The following UNC13C variants were observed in gnomAD, a reference collection of about 807,000 sequenced individuals.
UNC13C encodes the protein protein unc-13 homolog C.
UNC13C carries 174 observed loss-of-function variants against 245.4 expected under a neutral mutation model. The observed-to-expected ratio is 0.71, with a 90% CI of 0.63 to 0.80. UNC13C has a LOEUF of 0.80. Ranked by LOEUF, UNC13C falls within the 30% of genes least tolerant of loss-of-function variation. UNC13C has a pLI of 0.00. For synonymous variants in UNC13C, 992 were observed against 895.1 expected (o/e 1.11, Z -1.93); for missense variants, 2,829 against 2,602.9 (o/e 1.09, Z -1.89).
chr15:54,201,386 C>G lies in UNC13C; in HGVS notation c.3072-33644C>G, dbSNP rs932432276. ...AAAAAGAAAACTACAGACCAATACTCCTGATGAATATAGATGCAAAAATCG... is the reference window on the plus strand; with the variant it reads ...AAAAAGAAAACTACAGACCAATACTGCTGATGAATATAGATGCAAAAATCG... On this transcript the variant is annotated intron_variant, in intron 4 of 32. Coordinates refer to ENST00000260323, the MANE Select transcript of UNC13C (RefSeq NM_001080534.3). Among the ~76,000 whole-genome samples, 5 of 151,864 alleles carry G rather than the reference C, an allele frequency of 3.3e-5. No homozygotes were observed. In the East Asian group the frequency reaches 5.8e-4, roughly 18 times the overall value.
At chr15:54,525,451 G>T in intron 24 of UNC13C, 98 bp from the exon 25 acceptor site, 18 of 631,930 alleles carry the variant, frequency 2.8e-5, no homozygotes, top group Non-Finnish European at 3.8e-5. Context: ...CTTACATGTT[G>T]TTTGAAGTTA....
At chr15:53,891,797 G>T in the UNC13C span, among the ~76,000 whole-genome samples, 1 of 152,140 alleles carries the variant, frequency 6.6e-6, no homozygotes, top group East Asian at 1.9e-4. Context: ...ACACCGATGG[G>T]TCTTGACTGT....
chr15:54,029,463 T>C (rs897283564), intron 2 of UNC13C, among the ~76,000 whole-genome samples: 18 of 152,250 alleles, frequency 1.2e-4, no homozygotes, highest in Non-Finnish European at 2.1e-4. Context: ...AGAGGCATTG[T>C]AGCTGATACT....
chr15:54,293,220 G>A (rs377516359), intron 10 of UNC13C, among the ~76,000 whole-genome samples: 99 of 151,960 alleles, frequency 6.5e-4, no homozygotes, highest in Middle Eastern at 6.8e-3. Context: ...TTGGTTAACA[G>A]GCAAAGAAGC....
chr15:54,592,616 C>T lies in UNC13C; in HGVS notation c.6106+24669C>T, dbSNP rs144469849. On this transcript the variant is annotated intron_variant, in intron 30 of 32. Coordinates refer to ENST00000260323, the MANE Select transcript of UNC13C (RefSeq NM_001080534.3). ...TTTTGTCGGATATAAGAATAGCTAC[C>T]CCTGCTTGCTTTTGGTGTCTTTTTG... Among the ~76,000 whole-genome samples, 892 of 152,182 alleles carry T rather than the reference C, an allele frequency of 5.9e-3. 4 individuals are homozygous for T. The highest frequency in any genetic ancestry group is 6.0e-3 in the Non-Finnish European group (409 of 67,986).
chr15:54,625,745 C>T (rs1224693158), intron 32 of UNC13C, among the ~76,000 whole-genome samples: 1 of 152,084 alleles, frequency 6.6e-6, no homozygotes, highest in African/African-American at 2.4e-5. Flanking sequence ...CAAAAGGGTC[C>T]TAATAGATCA....
At chr15:54,355,177 C>G (rs1236320405) in intron 17 of UNC13C, among the ~76,000 whole-genome samples, 1 of 151,978 alleles carries the variant, frequency 6.6e-6, no homozygotes, top group Admixed American at 6.6e-5. Context: ...AATGTATTTT[C>G]TTTATAAATT....
At chr15:54,583,104 T>C (rs1339635586) in intron 30 of UNC13C, among the ~76,000 whole-genome samples, 1 of 152,112 alleles carries the variant, frequency 6.6e-6, no homozygotes, top group Non-Finnish European at 1.5e-5. Context: ...ATGGTGCTGG[T>C]TTAGGAACCA....
At chr15:53,897,727 A>G in the UNC13C span, among the ~76,000 whole-genome samples, 2 of 152,154 alleles carry the variant, frequency 1.3e-5, no homozygotes, top group Admixed American at 1.3e-4. Flanking sequence ...CTATCCCTTA[A>G]ATGACACTCT....
intron 2 of UNC13C, among the ~76,000 whole-genome samples, chr15:54,106,933 C>G (rs535132205): frequency 6.6e-6 from 1 of 152,344 alleles, no homozygotes. Flanking sequence ...GGCACTCTTG[C>G]TCTTATATGT....
At chr15:54,085,935 C>T (rs551952624) in intron 2 of UNC13C, among the ~76,000 whole-genome samples, 3 of 152,202 alleles carry the variant, frequency 2.0e-5, no homozygotes, top group South Asian at 4.2e-4. Flanking sequence ...TTGGCCCCTC[C>T]TTTTATTTTA....
At chr15:54,388,302 G>A (rs909189248) in intron 17 of UNC13C, among the ~76,000 whole-genome samples, 12 of 151,730 alleles carry the variant, frequency 7.9e-5, no homozygotes, top group South Asian at 2.1e-4. Context: ...TGTATGCTCC[G>A]GAAGCACATC....
At chr15:54,379,062 A>G (rs1204873342) in intron 17 of UNC13C, among the ~76,000 whole-genome samples, 2 of 152,084 alleles carry the variant, frequency 1.3e-5, no homozygotes, top group African/African-American at 4.8e-5. Flanking sequence ...TTTCTAACCA[A>G]ATTAATGTAT....
intron 4 of UNC13C, among the ~76,000 whole-genome samples, chr15:54,189,415 A>C (rs947938684): frequency 6.6e-6 from 1 of 152,114 alleles, no homozygotes. Flanking sequence ...GAAAAACAAC[A>C]GCGTCATGAC....
chr15:54,512,972 A>G (rs1894816879), intron 24 of UNC13C, among the ~76,000 whole-genome samples: 1 of 152,182 alleles, frequency 6.6e-6, no homozygotes, highest in Non-Finnish European at 1.5e-5. Flanking sequence ...ATGTGTGATG[A>G]TGCAAAACTT....
chr15:54,392,226 C>T (rs1170354903), intron 17 of UNC13C, among the ~76,000 whole-genome samples: 1 of 151,978 alleles, frequency 6.6e-6, no homozygotes, highest in African/African-American at 2.4e-5. Context: ...TAGCTTATCT[C>T]TATGTTGTAA....
At chr15:54,042,721 T>C (rs979506749) in intron 2 of UNC13C, among the ~76,000 whole-genome samples, 9 of 152,050 alleles carry the variant, frequency 5.9e-5, no homozygotes, top group South Asian at 2.1e-4. Flanking sequence ...GGCATGGTGG[T>C]GGGTGCCTGT....
chr15:54,394,667 C>T (rs1165599914), intron 18 of UNC13C, among the ~76,000 whole-genome samples: 1 of 151,802 alleles, frequency 6.6e-6, no homozygotes, highest in Non-Finnish European at 1.5e-5. Flanking sequence ...TGAAAACAAA[C>T]ATCTACTGAG....
chr15:54,544,280 A>C (rs1422359101), intron 26 of UNC13C, among the ~76,000 whole-genome samples: 2 of 152,212 alleles, frequency 1.3e-5, no homozygotes, highest in Non-Finnish European at 2.9e-5. Context: ...TAAAATAGGT[A>C]TTGATGGAAC....
Sources: allele counts gnomAD v4.1 joint callset (sites outside exome capture counted in the v4.1 genomes callset), GRCh38; gene constraint gnomAD v4.1.1; transcripts MANE v1.5; gene names NCBI Gene and HGNC (gene_info 2026-07-23, HGNC 2026-07-21).